C5orf34: variants seen among roughly 807,000 people sequenced by gnomAD.
C5orf34 encodes uncharacterized protein C5orf34.
In C5orf34, 73 loss-of-function variants were observed where a neutral mutation model predicts 78.4. The observed-to-expected ratio is 0.93, with a 90% confidence interval of 0.77 to 1.13. C5orf34 has a LOEUF of 1.13. Among genes scored for constraint, C5orf34 ranks in the 50% most tolerant of loss-of-function variants. C5orf34 has a pLI of 0.00. For missense variants in C5orf34, 730 were observed against 732.7 expected, an observed-to-expected ratio of 1.00 and a Z score of 0.04; for synonymous variants, 251 against 246.6, an observed-to-expected ratio of 1.02 and a Z score of -0.17.
chr5:43,496,580 TAA>T, intron 6 of C5orf34: 1 of 657,786 alleles, frequency 1.5e-6, no homozygotes, highest in Non-Finnish European at 2.2e-6. Context: ...AAGTTTTTTT[TAA>T]TTTTTTTTTT....
intron 1 of C5orf34, among the ~76,000 whole-genome samples, chr5:43,512,940 G>A (rs964428001): frequency 4.6e-5 from 7 of 151,964 alleles, no homozygotes; most frequent in Non-Finnish European, 1.5e-5. Context: ...GTGCCACCAC[G>A]CCTGGCTCAT....
chr5:43,495,347 T>G (rs1385379334), intron 6 of C5orf34: 1 of 1,611,672 alleles, frequency 6.2e-7, no homozygotes, highest in East Asian at 2.2e-5. Context: ...CTCAGCAAAC[T>G]TGCATGCAAT....
intron 4 of C5orf34, 165 bp downstream of exon 4, chr5:43,505,583 A>T: frequency 1.6e-6 from 1 of 627,160 alleles, no homozygotes; most frequent in Non-Finnish European, 2.7e-6. Context: ...AGAGTAAAAA[A>T]CATAAGCAAC....
intron 7 of C5orf34, 59 bp from the exon 8 acceptor site, chr5:43,493,671 A>G (rs112424740): frequency 1.1e-6 from 1 of 888,990 alleles, no homozygotes; most frequent in African/African-American, 1.7e-5. Flanking sequence ...AATTCTAGCA[A>G]CCCATTTTCA....
chr5:43,512,597 A>G (rs1746316450), intron 1 of C5orf34, among the ~76,000 whole-genome samples: 1 of 152,030 alleles, frequency 6.6e-6, no homozygotes, highest in Non-Finnish European at 1.5e-5. Flanking sequence ...TTTCTCCCCT[A>G]ACATTGGGCT....
chr5:43,514,125 C>T (rs1178627805), intron 1 of C5orf34: 3 of 152,152 alleles, frequency 2.0e-5, no homozygotes, highest in Non-Finnish European at 4.4e-5. Flanking sequence ...ACTCCATGCC[C>T]CTGTAACAAG....
chr5:43,505,392 G>A (rs1439358154), intron 4 of C5orf34, among the ~76,000 whole-genome samples: 1 of 152,206 alleles, frequency 6.6e-6, no homozygotes, highest in African/African-American at 2.4e-5. Context: ...GGCCCACAGA[G>A]CCCTGTGCAG....
chr5:43,496,444 T>C, intron 6 of C5orf34: 1 of 1,581,240 alleles, frequency 6.3e-7, no homozygotes, highest in East Asian at 2.2e-5. Flanking sequence ...ATGAGTCTTT[T>C]CCTTTCCCAT....
chr5:43,496,033 T>C, intron 6 of C5orf34: 1 of 1,591,410 alleles, frequency 6.3e-7, no homozygotes, highest in South Asian at 1.1e-5. Context: ...TCACACCCAG[T>C]GTGTAAGCCA....
intron 4 of C5orf34, among the ~76,000 whole-genome samples, chr5:43,504,874 T>C (rs904672676): frequency 6.6e-5 from 10 of 152,244 alleles, no homozygotes; most frequent in African/African-American, 2.4e-4. Context: ...CAGATAATCA[T>C]GACAAGCCTA....
At chr5:43,506,800 A>C (rs998814557) in intron 3 of C5orf34, among the ~76,000 whole-genome samples, 2 of 152,068 alleles carry the variant, frequency 1.3e-5, no homozygotes, top group African/African-American at 4.8e-5. Context: ...CATAGCTAAA[A>C]ATTTTTCTTT....
chr5:43,495,023 A>G, intron 6 of C5orf34: 1 of 1,377,246 alleles, frequency 7.3e-7, no homozygotes, highest in Non-Finnish European at 1.0e-6. Context: ...TTCTGAGACC[A>G]TTCTTCCACC....
rs112158954 is a variant in C5orf34 at position 43,509,319 on chromosome 5, C to A, written c.21G>T (p.Met7Ile). Residue 7 changes from methionine to isoleucine, a missense_variant, in exon 2 of 13, where the codon ATG becomes ATT. Coordinates refer to ENST00000306862, the MANE Select transcript of C5orf34 (RefSeq NM_198566.4). The part of the protein sequence containing the change: MAAELR[M>I]ILYEDDSVQV... ...GTACTGAATCATCTTCATAAAGTATCATTCGCAGTTCAGCTGCCATTACAA... is the reference window on the plus strand; with the variant it reads ...GTACTGAATCATCTTCATAAAGTATAATTCGCAGTTCAGCTGCCATTACAA... The A allele has an allele frequency of 6.2e-7, 1 of 1,610,658 alleles. No individual in the cohort carries two copies. The highest frequency in any genetic ancestry group is 2.2e-5 in the East Asian group (1 of 44,740).
intron 6 of C5orf34, among the ~76,000 whole-genome samples, chr5:43,496,975 A>G (rs1745555241): frequency 1.3e-5 from 2 of 152,190 alleles, no homozygotes; most frequent in Admixed American, 1.3e-4. Flanking sequence ...GAAATTTATC[A>G]TGAGCCACCC....
chr5:43,494,960 A>T (rs1486043830), intron 6 of C5orf34: 1 of 860,998 alleles, frequency 1.2e-6, no homozygotes, highest in Non-Finnish European at 1.8e-6. Flanking sequence ...ATGCATTGTT[A>T]TCATTAACCA....
intron 1 of C5orf34, among the ~76,000 whole-genome samples, chr5:43,510,891 C>T (rs1746210344): frequency 1.3e-5 from 2 of 152,240 alleles, no homozygotes; most frequent in African/African-American, 2.4e-5. Context: ...AGTGTCTCTG[C>T]CTGGCCGCCC....
intron 8 of C5orf34, among the ~76,000 whole-genome samples, chr5:43,493,306 AG>A (rs1465469038): frequency 6.6e-6 from 1 of 152,108 alleles, no homozygotes; most frequent in Non-Finnish European, 1.5e-5. Flanking sequence ...AAATCCAATC[AG>A]TTCCCCTATC....
intron 3 of C5orf34, among the ~76,000 whole-genome samples, chr5:43,508,221 GAC>G (rs1377308426): frequency 3.9e-5 from 6 of 152,014 alleles, no homozygotes; most frequent in African/African-American, 7.3e-5. Flanking sequence ...CTCAGTAAAT[GAC>G]AGTTATTATT....
intron 1 of C5orf34, among the ~76,000 whole-genome samples, chr5:43,514,562 A>C (rs548493307): frequency 6.6e-6 from 1 of 152,312 alleles, no homozygotes; most frequent in East Asian, 1.9e-4. Context: ...GTAATGACTA[A>C]GGTTCTTGGC....
Sources: gnomAD v4.1 joint callset for allele counts (sites outside exome capture counted in the v4.1 genomes callset) on GRCh38, gnomAD v4.1.1 for gene constraint, MANE v1.5 for transcripts, NCBI Gene and HGNC (gene_info 2026-07-23, HGNC 2026-07-21) for gene names.